SLC8A1: variants seen among roughly 807,000 people sequenced by gnomAD.
SLC8A1 encodes solute carrier family 8 member A1, also known as sodium/calcium exchanger 1.
Under a neutral mutation model 68.3 loss-of-function variants are expected in SLC8A1, and 18 were observed. That is an observed-to-expected ratio of 0.26 (90% CI 0.18 to 0.39). SLC8A1 has a LOEUF of 0.39. Among genes scored for constraint, SLC8A1 ranks in the 10% least tolerant of loss-of-function variants. The probability of loss-of-function intolerance (pLI) is 1.00; values close to 1 mark genes in which losing one functional copy is unlikely to be tolerated. For missense variants in SLC8A1, 985 were observed against 1,156.7 expected, an observed-to-expected ratio of 0.85 and a Z score of 2.15; for synonymous variants, 475 against 415.5, an observed-to-expected ratio of 1.14 and a Z score of -1.74.
At chr2:40,185,491 A>G (rs7575693) in intron 2 of SLC8A1, among the ~76,000 whole-genome samples, 19,164 of 152,174 alleles carry the variant, frequency 0.13, 1,319 homozygotes, top group African/African-American at 0.15. Flanking sequence ...CCCAGACACA[A>G]ATGGCTACAT....
intron 1 of SLC8A1, among the ~76,000 whole-genome samples, chr2:40,465,434 C>A (rs1354595097): frequency 2.0e-5 from 3 of 152,004 alleles, no homozygotes; most frequent in African/African-American, 7.3e-5. Context: ...AGTTTTTCAC[C>A]ATTTTGATAA....
chr2:40,365,907 G>T (rs1470352667), intron 2 of SLC8A1, among the ~76,000 whole-genome samples: 1 of 151,536 alleles, frequency 6.6e-6, no homozygotes, highest in African/African-American at 2.4e-5. Context: ...GCTGAGGCAG[G>T]ACTGATTAAG....
intron 2 of SLC8A1, among the ~76,000 whole-genome samples, chr2:40,360,084 A>C (rs770820737): frequency 4.7e-4 from 72 of 152,196 alleles, no homozygotes; most frequent in Non-Finnish European, 8.5e-4. Context: ...TAATCATCCC[A>C]AAAACCTTAC....
At chr2:40,410,870 G>C (rs1317582306) in intron 2 of SLC8A1, among the ~76,000 whole-genome samples, 1 of 151,972 alleles carries the variant, frequency 6.6e-6, no homozygotes, top group Non-Finnish European at 1.5e-5. Context: ...TATCAGAAAA[G>C]AAAACTAAGT....
At chr2:40,135,419 A>G (rs551851025) in intron 7 of SLC8A1, among the ~76,000 whole-genome samples, 69 of 152,150 alleles carry the variant, frequency 4.5e-4, no homozygotes, top group Middle Eastern at 3.4e-3. Context: ...ACTTTATAGG[A>G]AAGGTCAGCC....
chr2:40,115,313 TAGG>T, exon 8 of SLC8A1: 1 of 1,614,054 alleles, frequency 6.2e-7, no homozygotes, highest in Non-Finnish European at 8.5e-7. Flanking sequence ...ACAAGAGCCA[TAGG>T]AGCACAAAGA....
At chr2:40,264,377 G>A (rs1261502986) in intron 2 of SLC8A1, among the ~76,000 whole-genome samples, 2 of 152,052 alleles carry the variant, frequency 1.3e-5, no homozygotes, top group Admixed American at 1.3e-4. Flanking sequence ...TATAAATCAT[G>A]CTGCTATAAA....
rs377142781 is a variant in SLC8A1, at chr2:40,216,807, G to A, written c.1809-38952C>T. 5.5e-4 allele frequency among the ~76,000 whole-genome samples: 83 copies of A among 152,074 alleles called. 1 individual carries two copies. The South Asian group carries it at 0.016, about 29-fold the overall frequency. On this transcript the variant is annotated intron_variant, in intron 2 of 7. Coordinates refer to ENST00000406785, the Ensembl canonical transcript of SLC8A1. ...TTGGCTGCATGAATGTCTTCTTTAG[G>A]AAGTGTCTGTTCAGATCCTTCGCCC...
At chr2:40,182,826 T>A (rs1250190105) in intron 2 of SLC8A1, among the ~76,000 whole-genome samples, 1 of 152,240 alleles carries the variant, frequency 6.6e-6, no homozygotes, top group Non-Finnish European at 1.5e-5. Context: ...AGTCTCTTTT[T>A]CAACTTAAGC....
intron 2 of SLC8A1, among the ~76,000 whole-genome samples, chr2:40,192,895 C>T (rs1365883066): frequency 6.6e-6 from 1 of 152,154 alleles, no homozygotes; most frequent in Non-Finnish European, 1.5e-5. Context: ...GAAATACAAT[C>T]CTGGGTCTTC....
At chr2:40,507,649 C>T (rs1487724057) in intron 1 of SLC8A1, among the ~76,000 whole-genome samples, 1 of 152,004 alleles carries the variant, frequency 6.6e-6, no homozygotes, top group Non-Finnish European at 1.5e-5. Context: ...AATCCTACTT[C>T]CTCTTTTTAC....
chr2:40,222,357 C>T (rs2058446867), intron 2 of SLC8A1, among the ~76,000 whole-genome samples: 1 of 152,098 alleles, frequency 6.6e-6, no homozygotes, highest in African/African-American at 2.4e-5. Flanking sequence ...CTTCCTTATA[C>T]CTTATACAAA....
rs371724916 is a variant in SLC8A1 at position 40,208,013 on chromosome 2, G to A, written c.1809-30158C>T. On this transcript the variant is annotated intron_variant, in intron 2 of 7. Coordinates refer to ENST00000406785, the Ensembl canonical transcript of SLC8A1. The stretch of plus-strand genomic sequence containing the variant: ...CCTTCACAGCCACAGCACTGCAAGA[G>A]CTTCCTCTCTTCTTGTAAACCAAGC... Among the ~76,000 whole-genome samples, 13 of 152,206 alleles carry A rather than the reference G, an allele frequency of 8.5e-5. No individual in the cohort carries two copies. In the East Asian group the frequency reaches 2.1e-3, roughly 25 times the overall value.
In SLC8A1 at chr2:40,312,061, G is replaced by T. The variant is rs142224573; in HGVS notation, c.1808+116412C>A. ...TATTAAATCACCATCTTCTCCCTAG[G>T]CTAGACAAAAAATTCATGGTTAGGA... On this transcript the variant is annotated intron_variant, in intron 2 of 7. Coordinates refer to ENST00000406785, the Ensembl canonical transcript of SLC8A1. Among the ~76,000 whole-genome samples the T allele has an allele frequency of 1.5e-4, 23 of 152,024 alleles. No homozygotes were observed. The East Asian group carries it at 4.5e-3, about 30-fold the overall frequency.
At chr2:40,173,358 A>T (rs1573552519) in intron 4 of SLC8A1, among the ~76,000 whole-genome samples, 1 of 152,218 alleles carries the variant, frequency 6.6e-6, no homozygotes, top group African/African-American at 2.4e-5. Flanking sequence ...AGTTGGGGAC[A>T]TCTGACCCAG....
intron 4 of SLC8A1, among the ~76,000 whole-genome samples, chr2:40,171,728 G>C (rs1170212418): frequency 3.3e-5 from 5 of 152,166 alleles, no homozygotes; most frequent in African/African-American, 9.7e-5. Flanking sequence ...TATAAGATTG[G>C]TGATAAAGTG....
chr2:40,304,830 T>G (rs144926656), intron 2 of SLC8A1, among the ~76,000 whole-genome samples: 9 of 152,176 alleles, frequency 5.9e-5, no homozygotes, highest in African/African-American at 1.9e-4. Context: ...CTAGACCTCA[T>G]GCGCCCGCCA....
At chr2:40,464,652 A>T (rs957889148) in intron 1 of SLC8A1, among the ~76,000 whole-genome samples, 1 of 152,084 alleles carries the variant, frequency 6.6e-6, no homozygotes, top group South Asian at 2.1e-4. Flanking sequence ...TTGTCACTGG[A>T]GAGGTATTTA....
At chr2:40,133,201 C>A (rs912260375) in intron 7 of SLC8A1, among the ~76,000 whole-genome samples, 1 of 152,100 alleles carries the variant, frequency 6.6e-6, no homozygotes, top group Non-Finnish European at 1.5e-5. Flanking sequence ...AGCTCTTGTC[C>A]CTCTACCCTC....
Sources: allele counts gnomAD v4.1 joint callset (sites outside exome capture counted in the v4.1 genomes callset), GRCh38; gene constraint gnomAD v4.1.1; transcripts MANE v1.5; gene names NCBI Gene and HGNC (gene_info 2026-07-23, HGNC 2026-07-21).